DISC1: variants seen among roughly 807,000 people sequenced by gnomAD.
The protein encoded by DISC1 is disrupted in schizophrenia 1 protein.
DISC1 carries 57 observed loss-of-function variants against 84.5 expected under a neutral mutation model. The observed-to-expected ratio is 0.67, with a 90% CI of 0.55 to 0.84. The LOEUF (loss-of-function observed/expected upper bound fraction) is 0.84. Among genes scored for constraint, DISC1 ranks in the 40% least tolerant of loss-of-function variants. DISC1 has a pLI of 0.00. For missense variants in DISC1, 1,000 were observed against 1,057.8 expected (o/e 0.95, Z 0.76); for synonymous variants, 411 against 415.2 (o/e 0.99, Z 0.12).
chr1:231,681,959 C>T (rs1038129688), intron 1 of DISC1, among the ~76,000 whole-genome samples: 8 of 152,178 alleles, frequency 5.3e-5, no homozygotes, highest in Non-Finnish European at 7.3e-5. Context: ...CTTGGCCTCT[C>T]AAAGTGCTGG....
At chr1:231,704,620 C>A (rs542577068) in intron 3 of DISC1, among the ~76,000 whole-genome samples, 1 of 151,696 alleles carries the variant, frequency 6.6e-6, no homozygotes, top group Admixed American at 6.6e-5. Flanking sequence ...ATTAGCCGGG[C>A]GTGGTGGCAG....
chr1:231,969,521 A>C (rs1011267513), intron 10 of DISC1, among the ~76,000 whole-genome samples: 3 of 151,862 alleles, frequency 2.0e-5, no homozygotes, highest in African/African-American at 7.3e-5. Flanking sequence ...AGTGGAGCTC[A>C]AAAGAAAATC....
chr1:231,934,261 C>T lies in DISC1; in HGVS notation c.1982-24567C>T, dbSNP rs75487726. 4.4e-3 allele frequency among the ~76,000 whole-genome samples: 677 copies of T among 152,294 alleles called. 6 individuals are homozygous for T. The highest frequency in any genetic ancestry group is 0.028 in the East Asian group (147 of 5,182). ...TCTCCTTCCTCTCCTTTTGACCCAG[C>T]GTCCACTTCTACTTTGGTTAGTTAA... is the stretch of plus-strand genomic sequence containing the variant. On this transcript the variant is annotated intron_variant, in intron 9 of 12. Coordinates refer to ENST00000439617, the MANE Select transcript of DISC1 (RefSeq NM_018662.3).
At position 231,763,792 on chromosome 1, in the gene DISC1, CT is replaced by C. The variant is rs1395679192; in HGVS notation, c.1269-3347del. Among the ~76,000 whole-genome samples, 6 of 152,316 alleles carry C rather than the reference CT, an allele frequency of 3.9e-5. No individual in the cohort carries two copies. In the East Asian group the frequency reaches 1.2e-3, roughly 29 times the overall value. On this transcript the variant is annotated intron_variant, in intron 4 of 12. Coordinates refer to ENST00000439617, the MANE Select transcript of DISC1 (RefSeq NM_018662.3). ...GTAATTTTTCTGTTGATGCATTTGT[CT>C]CTCCTGCTCCATGGAAGAACCAAGA... is the stretch of plus-strand genomic sequence containing the variant.
At chr1:231,851,967 G>C (rs1275138067) in intron 9 of DISC1, among the ~76,000 whole-genome samples, 1 of 152,150 alleles carries the variant, frequency 6.6e-6, no homozygotes, top group East Asian at 1.9e-4. Context: ...TCATGGGAGA[G>C]GGTGCTTAGG....
intron 6 of DISC1, among the ~76,000 whole-genome samples, chr1:231,772,299 C>G (rs996460606): frequency 6.6e-6 from 1 of 152,124 alleles, no homozygotes; most frequent in African/African-American, 2.4e-5. Context: ...CTGAGACATA[C>G]AGAACGCACA....
chr1:231,734,190 TG>T (rs1243918649), intron 3 of DISC1, among the ~76,000 whole-genome samples: 2 of 152,166 alleles, frequency 1.3e-5, no homozygotes, highest in South Asian at 2.1e-4. Context: ...CCATAGCATC[TG>T]TGAAGACATA....
chr1:231,869,572 T>C (rs1295594945), intron 9 of DISC1, among the ~76,000 whole-genome samples: 1 of 151,658 alleles, frequency 6.6e-6, no homozygotes, highest in Non-Finnish European at 1.5e-5. Context: ...TCTCTCTTGC[T>C]TCCTCTCTGG....
At chr1:231,697,567 G>GTGGCT (rs2125685458) in intron 2 of DISC1, among the ~76,000 whole-genome samples, 1 of 151,482 alleles carries the variant, frequency 6.6e-6, no homozygotes, top group South Asian at 2.1e-4. Context: ...AGCCTCCCTA[G>GTGGCT]TGGCTGGGAC....
chr1:231,904,575 T>C (rs1427711920), intron 9 of DISC1, among the ~76,000 whole-genome samples: 1 of 152,170 alleles, frequency 6.6e-6, no homozygotes, highest in African/African-American at 2.4e-5. Context: ...GATACAGGAA[T>C]ATCAAGGCAG....
intron 6 of DISC1, among the ~76,000 whole-genome samples, chr1:231,793,711 G>C (rs1163414759): frequency 1.3e-5 from 2 of 152,076 alleles, no homozygotes; most frequent in Non-Finnish European, 2.9e-5. Context: ...TTGCTCTCTT[G>C]CTAGAAAACG....
At chr1:231,790,352 A>G (rs1333877539) in intron 6 of DISC1, among the ~76,000 whole-genome samples, 1 of 152,026 alleles carries the variant, frequency 6.6e-6, no homozygotes, top group African/African-American at 2.4e-5. Context: ...AGACAACAGA[A>G]ATTTATTTTC....
At chr1:231,729,026 G>A (rs577234882) in intron 3 of DISC1, among the ~76,000 whole-genome samples, 1 of 151,924 alleles carries the variant, frequency 6.6e-6, no homozygotes, top group South Asian at 2.1e-4. Context: ...GGTGTGTGAT[G>A]TTCCCCTTCC....
intron 9 of DISC1, among the ~76,000 whole-genome samples, chr1:231,825,077 C>T (rs966417999): frequency 6.6e-6 from 1 of 152,152 alleles, no homozygotes; most frequent in African/African-American, 2.4e-5. Context: ...TCAATTTATA[C>T]TTTGTTCATT....
At chr1:231,866,690 T>C in intron 9 of DISC1, 1 of 1,378,186 alleles carries the variant, frequency 7.3e-7, no homozygotes, top group Non-Finnish European at 9.5e-7. Flanking sequence ...GATGTCACAA[T>C]AAAAAGAAAA....
chr1:231,646,556 G>A (rs559476940), intron 1 of DISC1, among the ~76,000 whole-genome samples: 3 of 152,150 alleles, frequency 2.0e-5, no homozygotes, highest in Admixed American at 6.5e-5. Context: ...AAATTTTTGG[G>A]GCAATTTAGA....
chr1:231,627,912 G>A (rs1384999546), intron 1 of DISC1, among the ~76,000 whole-genome samples: 1 of 152,192 alleles, frequency 6.6e-6, no homozygotes, highest in East Asian at 1.9e-4. Flanking sequence ...GGGGTTTGGA[G>A]ACAGTCTGCC....
intron 11 of DISC1, among the ~76,000 whole-genome samples, chr1:232,019,642 G>A (rs112038757): frequency 2.8e-4 from 43 of 152,282 alleles, no homozygotes; most frequent in African/African-American, 9.4e-4. Flanking sequence ...GACACTCAGT[G>A]TGTGAAATTG....
chr1:231,688,326 TG>T (rs1248414823), intron 1 of DISC1, among the ~76,000 whole-genome samples: 10 of 152,230 alleles, frequency 6.6e-5, no homozygotes, highest in Non-Finnish European at 4.4e-5. Flanking sequence ...AGGAGAGCTG[TG>T]GGATCAGGCC....
Sources: gnomAD v4.1 joint callset for allele counts (sites outside exome capture counted in the v4.1 genomes callset) on GRCh38, gnomAD v4.1.1 for gene constraint, MANE v1.5 for transcripts, NCBI Gene and HGNC (gene_info 2026-07-23, HGNC 2026-07-21) for gene names.